Variants in SRBD1 observed in about 807,000 individuals in gnomAD.
SRBD1 encodes the protein S1 RNA-binding domain-containing protein 1.
Under a neutral mutation model 115.3 loss-of-function variants are expected in SRBD1, and 88 were observed. The observed-to-expected ratio is 0.76, with a 90% CI of 0.64 to 0.91. SRBD1 has a LOEUF of 0.91. SRBD1 is among the 40% of genes least tolerant of loss of function. SRBD1 has a pLI of 0.00. For missense variants in SRBD1, 1,385 were observed against 1,177.4 expected (o/e 1.18, Z -2.58); for synonymous variants, 509 against 407.7 (o/e 1.25, Z -2.99).
At chr2:45,448,425 A>T (rs1416670665) in intron 16 of SRBD1, among the ~76,000 whole-genome samples, 1 of 152,164 alleles carries the variant, frequency 6.6e-6, no homozygotes, top group Admixed American at 6.5e-5. Flanking sequence ...CCAAAATCCC[A>T]AACTTGGAGT....
chr2:45,516,662 A>C (rs1405055713), intron 14 of SRBD1, among the ~76,000 whole-genome samples: 1 of 152,226 alleles, frequency 6.6e-6, no homozygotes, highest in Non-Finnish European at 1.5e-5. Flanking sequence ...CCACAAAAAC[A>C]ATAAAAATAT....
At chr2:45,534,560 G>GA (rs1240639689) in intron 14 of SRBD1, among the ~76,000 whole-genome samples, 1 of 151,946 alleles carries the variant, frequency 6.6e-6, no homozygotes, top group Non-Finnish European at 1.5e-5. Context: ...TTAATATCCA[G>GA]AAAACAATTT....
chr2:45,571,517 CAAAAAAAAAAAA>C (rs58100763), intron 9 of SRBD1, among the ~76,000 whole-genome samples: 1 of 39,406 alleles, frequency 2.5e-5, no homozygotes, highest in Non-Finnish European at 4.9e-5. Flanking sequence ...CAGACTTTAC[CAAAAAAAAAAAA>C]AAAAAAAAAA....
rs560268178 is a variant in SRBD1 at position 45,391,319 on chromosome 2, C to T, written c.2698+1626G>A. Among the ~76,000 whole-genome samples the T allele has an allele frequency of 1.6e-4, 25 of 152,290 alleles. No homozygotes were observed. In the South Asian group the frequency reaches 5.0e-3, roughly 30 times the overall value. ...TAATAAACCCAGTTAGGGAAATTAA[C>T]TAGTCACCATAGTGTTAATACACAT... On this transcript the variant is annotated intron_variant, in intron 20 of 20. Transcript: ENST00000263736.
chr2:45,444,100 C>A (rs1017719626), intron 16 of SRBD1, among the ~76,000 whole-genome samples: 10 of 152,046 alleles, frequency 6.6e-5, no homozygotes, highest in African/African-American at 1.9e-4. Context: ...AGTACTAACA[C>A]CAGAACATAT....
intron 14 of SRBD1, among the ~76,000 whole-genome samples, chr2:45,527,161 A>C (rs1409689761): frequency 6.6e-6 from 1 of 151,844 alleles, no homozygotes; most frequent in Non-Finnish European, 1.5e-5. Context: ...ATATATATAC[A>C]TACTCTCCAC....
intron 14 of SRBD1, among the ~76,000 whole-genome samples, chr2:45,532,806 C>A (rs773736537): frequency 8.8e-5 from 13 of 148,052 alleles, no homozygotes; most frequent in Non-Finnish European, 1.5e-4. Flanking sequence ...ACCGACCCCC[C>A]ACTGCAGCCA....
chr2:45,483,522 T>A (rs1670027215), intron 15 of SRBD1, among the ~76,000 whole-genome samples: 1 of 152,104 alleles, frequency 6.6e-6, no homozygotes, highest in Non-Finnish European at 1.5e-5. Context: ...ATGTCATGGG[T>A]TTTGGCCTTT....
At chr2:45,498,593 T>C (rs1300332403) in intron 14 of SRBD1, among the ~76,000 whole-genome samples, 3 of 152,144 alleles carry the variant, frequency 2.0e-5, no homozygotes, top group Non-Finnish European at 4.4e-5. Context: ...TAAATTACTG[T>C]TAATTATAAT....
intron 9 of SRBD1, among the ~76,000 whole-genome samples, chr2:45,566,467 A>G (rs1672834311): frequency 6.6e-6 from 1 of 152,208 alleles, no homozygotes; most frequent in African/African-American, 2.4e-5. Flanking sequence ...AAGTCTGCAT[A>G]TTGTATGATT....
At chr2:45,603,716 G>C (rs1436738696) in intron 2 of SRBD1, among the ~76,000 whole-genome samples, 1 of 151,962 alleles carries the variant, frequency 6.6e-6, no homozygotes, top group African/African-American at 2.4e-5. Context: ...TTTTAGTAGA[G>C]CCGGGTTTCA....
chr2:45,455,176 G>C (rs1558406454), intron 16 of SRBD1, among the ~76,000 whole-genome samples: 1 of 151,794 alleles, frequency 6.6e-6, no homozygotes, highest in African/African-American at 2.4e-5. Context: ...ATTTTTAAGA[G>C]AATATATTCT....
At chr2:45,420,836 G>T (rs1667974085) in intron 16 of SRBD1, among the ~76,000 whole-genome samples, 1 of 152,166 alleles carries the variant, frequency 6.6e-6, no homozygotes, top group South Asian at 2.1e-4. Flanking sequence ...GATGATAGTA[G>T]CACTATCTTA....
rs1281716101 is a variant in SRBD1 at position 45,440,507 on chromosome 2, C to CTATTAGTA, written c.2050-20614_2050-20613insTACTAATA. ...TTAGTATATCTGAACTGGACCACAC[C>CTATTAGTA]TATCTGCCCCCATGTGTGGTCACTG... On this transcript the variant is annotated intron_variant, in intron 16 of 20. Transcript: ENST00000263736. Among the ~76,000 whole-genome samples the CTATTAGTA allele has an allele frequency of 3.9e-5, 6 of 152,292 alleles. No individual in the cohort carries two copies. In the South Asian group the frequency reaches 1.2e-3, roughly 32 times the overall value.
intron 16 of SRBD1, among the ~76,000 whole-genome samples, chr2:45,467,418 G>T (rs552509541): frequency 6.6e-6 from 1 of 152,168 alleles, no homozygotes; most frequent in Non-Finnish European, 1.5e-5. Context: ...TACGATAAAT[G>T]CTAGTTAAAT....
intron 19 of SRBD1, among the ~76,000 whole-genome samples, chr2:45,400,717 C>T (rs1667268970): frequency 6.6e-6 from 1 of 152,078 alleles, no homozygotes; most frequent in South Asian, 2.1e-4. Flanking sequence ...CTAGCTTACT[C>T]TGTCCAGGTG....
chr2:45,500,384 G>T (rs1187511662), intron 14 of SRBD1, among the ~76,000 whole-genome samples: 2 of 151,294 alleles, frequency 1.3e-5, no homozygotes, highest in African/African-American at 4.9e-5. Context: ...CTGCTTTCTC[G>T]ATTTCTTTTC....
intron 10 of SRBD1, 136 bp from the exon 11 acceptor site, chr2:45,553,866 G>A (rs1014799671): frequency 2.2e-6 from 1 of 459,072 alleles, no homozygotes; most frequent in East Asian, 3.4e-5. Flanking sequence ...AATCTGTGAG[G>A]AAAGGCTGTG....
At chr2:45,417,520 G>A (rs1667868151) in intron 18 of SRBD1, among the ~76,000 whole-genome samples, 1 of 152,114 alleles carries the variant, frequency 6.6e-6, no homozygotes, top group Non-Finnish European at 1.5e-5. Flanking sequence ...GTCTTTTCCA[G>A]AAGAAAGGTT....
Sources: allele counts gnomAD v4.1 joint callset (sites outside exome capture counted in the v4.1 genomes callset), GRCh38; gene constraint gnomAD v4.1.1; transcripts MANE v1.5; gene names NCBI Gene and HGNC (gene_info 2026-07-23, HGNC 2026-07-21).